Variants in TF observed in about 807,000 individuals in gnomAD.
TF encodes the protein transferrin.
Under a neutral mutation model 82.4 loss-of-function variants are expected in TF, and 55 were observed. That is an observed-to-expected ratio of 0.67 (90% confidence interval 0.54 to 0.84). The LOEUF (loss-of-function observed/expected upper bound fraction) is 0.84. TF is among the 40% of genes least tolerant of loss of function. The pLI is 0.00. For synonymous variants in TF, 332 were observed against 332.6 expected, an observed-to-expected ratio of 1.00 and a Z score of 0.02; for missense variants, 737 against 868.4, an observed-to-expected ratio of 0.85 and a Z score of 1.90.
the TF span, among the ~76,000 whole-genome samples, chr3:133,679,168 G>T: frequency 6.6e-6 from 1 of 152,040 alleles, no homozygotes; most frequent in Non-Finnish European, 1.5e-5. Flanking sequence ...ACCACACCCG[G>T]CCAGCCCAGC....
chr3:133,752,988 A>T (rs1933718453), intron 2 of TF, among the ~76,000 whole-genome samples: 1 of 152,204 alleles, frequency 6.6e-6, no homozygotes, highest in African/African-American at 2.4e-5. Flanking sequence ...TGGACCCAGG[A>T]CAGGAAGGAA....
In TF at chr3:133,759,504, C is replaced by G. The variant is rs143198049; in HGVS notation, c.1203+175C>G. Reference sequence around the variant, plus strand: ...GTTCAGAATCTTTGAGCTTGTGGATCTGAAGGGTGCCCACAGGGCTCAGTT... The same window carrying G: ...GTTCAGAATCTTTGAGCTTGTGGATGTGAAGGGTGCCCACAGGGCTCAGTT... On this transcript the variant is annotated intron_variant, in intron 9 of 16. Coordinates refer to ENST00000402696, the MANE Select transcript of TF (RefSeq NM_001063.4). 1.8e-3 allele frequency among the ~76,000 whole-genome samples: 269 copies of G among 152,298 alleles called. 3 individuals carry two copies. Among genetic ancestry groups the G allele is most frequent in the African/African-American group, 6.3e-3 (261 of 41,566 alleles).
Position 133,753,687 on chromosome 3 carries a change from C to T in TF, c.309C>T (p.Phe103=). ...PNNLKPVVAE[F]YGSKEDPQTF... ...ACCTGAAGCCTGTGGTGGCAGAGTT[C>T]TATGGGTCAAAAGAGGGTAAGTTCT... is the stretch of plus-strand genomic sequence containing the variant. Residue 103 remains phenylalanine, a synonymous_variant, in exon 3 of 17, where the codon TTC becomes TTT. Transcript: ENST00000402696. The T allele has an allele frequency of 1.2e-6, 2 of 1,614,066 alleles. No individual in the cohort carries two copies. The highest frequency in any genetic ancestry group is 1.7e-6 in the Non-Finnish European group (2 of 1,179,898).
Position 133,784,466 on chromosome 3 carries a change from TAAAAA to T in TF, c.*5849_*5853del, listed in dbSNP as rs67395906. ...ACACATCTTGTAAATTCCCATTTGTTAAAAAAATAATAATAATAATAATAATAATA... is the reference window on the plus strand; with the variant it reads ...ACACATCTTGTAAATTCCCATTTGTTAATAATAATAATAATAATAATAATA... On this transcript the variant is annotated 3_prime_UTR_variant, in exon 17 of 17. Coordinates refer to ENST00000402696, the MANE Select transcript of TF (RefSeq NM_001063.4). 1.7e-5 allele frequency: 2 copies of T among 116,574 alleles called. No individual in the cohort carries two copies. The highest frequency in any genetic ancestry group is 3.4e-5 in the Non-Finnish European group (2 of 58,396). The allele number at this position is 116,574 out of a possible 1,614,324, so 7.2% of individuals were successfully genotyped here.
chr3:133,770,483 C>T (rs757297381), intron 13 of TF, 25 bp from the exon 14 acceptor site: 6 of 1,610,174 alleles, frequency 3.7e-6, no homozygotes, highest in South Asian at 1.1e-5. Flanking sequence ...CTTTTTTTTT[C>T]TCTCCCACTT....
the TF span, among the ~76,000 whole-genome samples, chr3:133,676,849 C>A: frequency 2.0e-5 from 3 of 152,212 alleles, no homozygotes; most frequent in African/African-American, 7.2e-5. Flanking sequence ...TTCATTTACC[C>A]AATTCACCCT....
At chr3:133,665,935 CAAAAA>C in the TF span, among the ~76,000 whole-genome samples, 5 of 52,070 alleles carry the variant, frequency 9.6e-5, no homozygotes, top group African/African-American at 4.1e-4. Flanking sequence ...AACTCCATCT[CAAAAA>C]AAAAAAAAAA....
upstream of TF, chr3:133,746,100 G>GC (rs1268651199): frequency 1.3e-5 from 6 of 448,744 alleles, no homozygotes; most frequent in Non-Finnish European, 2.5e-5. Context: ...CAGGAGCAGA[G>GC]CCCCCCGGCT....
the TF span, among the ~76,000 whole-genome samples, chr3:133,725,868 G>T: frequency 5.3e-5 from 8 of 152,214 alleles, no homozygotes; most frequent in African/African-American, 1.9e-4. Flanking sequence ...TAGCATGAAG[G>T]GTTGTTGAAT....
chr3:133,667,194 G>GT, the TF span, among the ~76,000 whole-genome samples: 505 of 151,052 alleles, frequency 3.3e-3, 8 homozygotes, highest in Non-Finnish European at 1.2e-3. Flanking sequence ...AAGTTTTGTT[G>GT]TTTTTTTTTA....
At chr3:133,714,635 T>C in the TF span, among the ~76,000 whole-genome samples, 1 of 152,166 alleles carries the variant, frequency 6.6e-6, no homozygotes, top group Non-Finnish European at 1.5e-5. Context: ...AGACCTCTCA[T>C]TCTCTCCATC....
At position 133,795,341 on chromosome 3, in the gene TF, C is replaced by G. The variant is rs1405709833; in HGVS notation, c.*16721C>G. On this transcript the variant is annotated 3_prime_UTR_variant, in exon 17 of 17. Transcript: ENST00000402696. ...TAGTCTCCCTGGTGTGCTGTATTCT[C>G]TCAACGGTTTTAAATGTTTGCATGC... 1 of 152,160 alleles carries G rather than the reference C, an allele frequency of 6.6e-6. No homozygotes were observed. Among genetic ancestry groups the G allele is most frequent in the Non-Finnish European group, 1.5e-5 (1 of 68,040 alleles). 9.4% of individuals were successfully genotyped at this position (152,160 alleles called of 1,614,324 possible).
At position 133,777,709 on chromosome 3, in the gene TF, T is replaced by G. The variant is rs12595; in HGVS notation, c.2062+471T>G. The G allele has an allele frequency of 6.7e-4, 117 of 173,786 alleles. 1 individual carries two copies. Among genetic ancestry groups the G allele is most frequent in the South Asian group, 2.1e-3 (15 of 7,094 alleles). 10.8% of individuals were successfully genotyped at this position (173,786 alleles called of 1,614,324 possible). A position where few individuals can be genotyped will look rare whatever the true frequency, so the allele number is the denominator to read the frequency against. ...GCTCCATATTGGTCAGCAAAGAGAA[T>G]GTTTGCATCATCACAGAAAGCTCTT... is the stretch of plus-strand genomic sequence containing the variant. On this transcript the variant is annotated intron_variant, in intron 16 of 16. Coordinates refer to ENST00000402696, the MANE Select transcript of TF (RefSeq NM_001063.4).
upstream of TF, chr3:133,746,279 G>T (rs761118973): frequency 2.0e-5 from 15 of 767,300 alleles, no homozygotes; most frequent in African/African-American, 8.5e-5. Flanking sequence ...AGGAAGGGGG[G>T]TTGGGAGAGG....
chr3:133,748,673 G>A lies in TF; in HGVS notation c.216+89G>A, dbSNP rs8177189. Reference sequence around the variant, plus strand: ...TGGAACAATTCTTTACTCACAGGTAGGAGGCTGATATATGGGGCAGTCAAC... The same window carrying A: ...TGGAACAATTCTTTACTCACAGGTAAGAGGCTGATATATGGGGCAGTCAAC... On this transcript the variant is annotated intron_variant, in intron 2 of 16. Coordinates refer to ENST00000402696, the MANE Select transcript of TF (RefSeq NM_001063.4). 0.03 allele frequency: 45,357 copies of A among 1,507,642 alleles called. 859 individuals are homozygous for A. The highest frequency in any genetic ancestry group is 0.054 in the Middle Eastern group (300 of 5,570). 93.4% of individuals were successfully genotyped at this position (1,507,642 alleles called of 1,614,324 possible).
the TF span, among the ~76,000 whole-genome samples, chr3:133,731,946 C>A: frequency 6.6e-6 from 1 of 152,116 alleles, no homozygotes; most frequent in Non-Finnish European, 1.5e-5. Flanking sequence ...GCATAGGGAA[C>A]TAGTATACAG....
At chr3:133,682,708 G>A in the TF span, among the ~76,000 whole-genome samples, 1 of 151,882 alleles carries the variant, frequency 6.6e-6, no homozygotes, top group Admixed American at 6.6e-5. Flanking sequence ...ATGGGACTAT[G>A]TGAAAAGACA....
chr3:133,749,733 A>T (rs1407322579), intron 2 of TF, among the ~76,000 whole-genome samples: 2 of 152,182 alleles, frequency 1.3e-5, no homozygotes, highest in Non-Finnish European at 2.9e-5. Context: ...GGGTGATGGG[A>T]GCTGTCAAAG....
At chr3:133,718,585 G>C in the TF span, among the ~76,000 whole-genome samples, 1 of 152,306 alleles carries the variant, frequency 6.6e-6, no homozygotes, top group Admixed American at 6.5e-5. Context: ...GGAGGCAGCT[G>C]TCTAAAGCAG....
Sources: gnomAD v4.1 joint callset for allele counts (sites outside exome capture counted in the v4.1 genomes callset) on GRCh38, gnomAD v4.1.1 for gene constraint, MANE v1.5 for transcripts, NCBI Gene and HGNC (gene_info 2026-07-23, HGNC 2026-07-21) for gene names.